SREBF2: variants seen among roughly 807,000 people sequenced by gnomAD.
SREBF2 encodes the protein sterol regulatory element-binding protein 2.
In SREBF2, 55 loss-of-function variants were observed where a neutral mutation model predicts 113.1. That is an observed-to-expected ratio of 0.49 (90% CI 0.39 to 0.61). The LOEUF is 0.61. Among genes scored for constraint, SREBF2 ranks in the 20% least tolerant of loss-of-function variants. The probability of loss-of-function intolerance (pLI) is 0.00; values close to 1 mark genes in which losing one functional copy is unlikely to be tolerated. For synonymous variants in SREBF2, 593 were observed against 605.7 expected, an observed-to-expected ratio of 0.98 and a Z score of 0.31; for missense variants, 1,349 against 1,487.4, an observed-to-expected ratio of 0.91 and a Z score of 1.53.
At chr22:41,860,777 T>C (rs955804893) in intron 1 of SREBF2, among the ~76,000 whole-genome samples, 2 of 152,068 alleles carry the variant, frequency 1.3e-5, no homozygotes. Flanking sequence ...TCCCAGCTAC[T>C]CAGGAGTCTG....
At chr22:41,851,856 C>A (rs1200796644) in intron 1 of SREBF2, among the ~76,000 whole-genome samples, 1 of 150,338 alleles carries the variant, frequency 6.7e-6, no homozygotes, top group African/African-American at 2.4e-5. Flanking sequence ...CGCGGTGGCT[C>A]ACGCCTGTAA....
intron 17 of SREBF2, 150 bp downstream of exon 17, chr22:41,903,305 A>G (rs2077480640): frequency 5.3e-6 from 5 of 946,826 alleles, no homozygotes; most frequent in Non-Finnish European, 6.5e-6. Context: ...CTCGTGCCCA[A>G]CACTGGGCTA....
intron 1 of SREBF2, among the ~76,000 whole-genome samples, chr22:41,835,378 T>C (rs1254888878): frequency 1.4e-5 from 2 of 142,742 alleles, no homozygotes; most frequent in Admixed American, 7.1e-5. Context: ...TGGCGCGATC[T>C]CGGCTCACCG....
chr22:41,835,858 C>T (rs1279970915), intron 1 of SREBF2, among the ~76,000 whole-genome samples: 1 of 152,230 alleles, frequency 6.6e-6, no homozygotes, highest in Non-Finnish European at 1.5e-5. Flanking sequence ...CTTCCAGGCA[C>T]ATGCAGTCCT....
At chr22:41,857,898 G>A (rs1272597211) in intron 1 of SREBF2, among the ~76,000 whole-genome samples, 2 of 152,208 alleles carry the variant, frequency 1.3e-5, no homozygotes, top group Non-Finnish European at 2.9e-5. Flanking sequence ...GTGGTTGAAA[G>A]AGCCCAGTTC....
chr22:41,871,664 G>A (rs868515027), intron 4 of SREBF2, among the ~76,000 whole-genome samples: 9 of 151,992 alleles, frequency 5.9e-5, no homozygotes, highest in African/African-American at 1.9e-4. Flanking sequence ...GGCCAAGAGG[G>A]GTGGATCACC....
chr22:41,845,976 C>T (rs1057091130), intron 1 of SREBF2, among the ~76,000 whole-genome samples: 3 of 152,142 alleles, frequency 2.0e-5, no homozygotes, highest in African/African-American at 7.2e-5. Context: ...AAGCTGAGGT[C>T]TTAAAGGGGT....
chr22:41,877,509 A>G, intron 8 of SREBF2, 88 bp downstream of exon 8: 2 of 1,475,420 alleles, frequency 1.4e-6, no homozygotes, highest in Non-Finnish European at 9.3e-7. Context: ...TGGCTTGGCT[A>G]CCAGGTCCCA....
intron 1 of SREBF2, among the ~76,000 whole-genome samples, chr22:41,843,356 G>A (rs1569370339): frequency 6.6e-6 from 1 of 152,240 alleles, no homozygotes; most frequent in East Asian, 1.9e-4. Flanking sequence ...TTTGTACTGG[G>A]CTCCAGGTTC....
At chr22:41,858,132 G>C (rs999759933) in intron 1 of SREBF2, among the ~76,000 whole-genome samples, 1 of 152,186 alleles carries the variant, frequency 6.6e-6, no homozygotes, top group Non-Finnish European at 1.5e-5. Flanking sequence ...ATTCAATCAG[G>C]ATACTTGTTG....
At position 41,877,240 on chromosome 22, in the gene SREBF2, G is replaced by A. The variant is rs779101137; in HGVS notation, c.1398G>A (p.Glu466=). ...GCCTTGTTTTGAAGGTCAAAGATGA[G>A]CCAGACTCTCCTCCTGTGGCGCTGG... ...PLLDDAKVKD[E]PDSPPVALGM... Residue 466 remains glutamate, a synonymous_variant, in exon 8 of 19, where the codon GAG becomes GAA. Coordinates refer to ENST00000361204, the MANE Select transcript of SREBF2 (RefSeq NM_004599.4). 1.1e-5 allele frequency: 17 copies of A among 1,614,084 alleles called. No homozygotes were observed. The highest frequency in any genetic ancestry group is 1.6e-4 in the Middle Eastern group (1 of 6,084).
chr22:41,864,075 C>T (rs1263338023), intron 1 of SREBF2, among the ~76,000 whole-genome samples: 1 of 149,624 alleles, frequency 6.7e-6, no homozygotes, highest in Non-Finnish European at 1.5e-5. Flanking sequence ...CAGGGGTTTT[C>T]ACCATGTTTG....
chr22:41,905,641 C>G lies in SREBF2; in HGVS notation c.3407C>G (p.Thr1136Ser). 1 of 1,587,706 alleles carries G rather than the reference C, an allele frequency of 6.3e-7. No homozygotes were observed. The highest frequency in any genetic ancestry group is 8.6e-7 in the Non-Finnish European group (1 of 1,167,918). The change falls in exon 19 of 19, where the codon ACT (threonine) becomes AGT (serine). Residue 1136 changes from threonine (T) to serine (S), a missense_variant. Physicochemically the swap from Thr to Ser is moderately conservative, Grantham distance 58 (BLOSUM62 1). This residue lies in a region of SREBF2 where 650 missense variants were observed against 644.1 expected (regional missense o/e 1.01). Transcript: ENST00000361204. The part of the protein sequence containing the change: ...QQMIVKLGGG[T>S]AIAAS ...ATGATTGTTAAGCTGGGTGGTGGCA[C>G]TGCCATTGCCGCCTCCTGACCACCA...
chr22:41,867,393 G>A, intron 2 of SREBF2, 113 bp downstream of exon 2: 1 of 1,177,194 alleles, frequency 8.5e-7, no homozygotes, highest in Non-Finnish European at 1.2e-6. Context: ...TATCAATATG[G>A]TCCTGTCTGA....
At chr22:41,884,039 C>A (rs536579302) in intron 10 of SREBF2, among the ~76,000 whole-genome samples, 40 of 142,798 alleles carry the variant, frequency 2.8e-4, no homozygotes, top group South Asian at 2.2e-3. Flanking sequence ...TTCCTGGCCT[C>A]CCACCCACTA....
chr22:41,851,628 G>A (rs2076931512), intron 1 of SREBF2, among the ~76,000 whole-genome samples: 1 of 151,986 alleles, frequency 6.6e-6, no homozygotes, highest in African/African-American at 2.4e-5. Context: ...CAAGTAGCTG[G>A]GATTACAGGT....
chr22:41,881,047 T>G, intron 10 of SREBF2, 55 bp downstream of exon 10: 1 of 1,586,148 alleles, frequency 6.3e-7, no homozygotes, highest in South Asian at 1.1e-5. Flanking sequence ...ATGCTACCTC[T>G]CCTCCTTAGC....
chr22:41,873,787 C>T lies in SREBF2; in HGVS notation c.868-11C>T, dbSNP rs2077167320. The T allele has an allele frequency of 2.5e-6, 4 of 1,593,850 alleles. No individual in the cohort carries two copies. The highest frequency in any genetic ancestry group is 3.4e-6 in the Non-Finnish European group (4 of 1,169,328). On this transcript the variant is annotated splice_polypyrimidine_tract_variant and intron_variant, in intron 4 of 18. Coordinates refer to ENST00000361204, the MANE Select transcript of SREBF2 (RefSeq NM_004599.4). ...AGGGATCATTCTGCTGTGTACCTGT[C>T]CCTATTCTAGACCCTGGTGGGCAGC...
intron 1 of SREBF2, chr22:41,834,673 C>A (rs1198570102): frequency 2.0e-5 from 3 of 152,362 alleles, no homozygotes; most frequent in South Asian, 4.1e-4. Context: ...TGTAATATTT[C>A]TCCCCTTGGT....
Sources: allele counts gnomAD v4.1 joint callset (sites outside exome capture counted in the v4.1 genomes callset), GRCh38; gene constraint gnomAD v4.1.1; regional missense constraint gnomAD v4.1.1; transcripts MANE v1.5; gene names NCBI Gene and HGNC (gene_info 2026-07-23, HGNC 2026-07-21).